CCDC171: variants seen among roughly 807,000 people sequenced by gnomAD.
CCDC171 encodes the protein coiled-coil domain containing 171.
A neutral mutation model predicts 168.2 loss-of-function variants in CCDC171; 177 were observed. The observed-to-expected ratio is 1.05, with a 90% CI of 0.93 to 1.19. CCDC171 has a LOEUF of 1.19. Among genes scored for constraint, CCDC171 ranks in the 50% most tolerant of loss-of-function variants. The pLI is 0.00. For missense variants in CCDC171, 1,991 were observed against 1,539.0 expected, an observed-to-expected ratio of 1.29 and a Z score of -4.91; for synonymous variants, 687 against 540.8, an observed-to-expected ratio of 1.27 and a Z score of -3.75.
In CCDC171 at chr9:15,812,021, G is replaced by A. The variant is rs137971537; in HGVS notation, c.3267+27327G>A. 1.4e-4 allele frequency among the ~76,000 whole-genome samples: 21 copies of A among 152,278 alleles called. No homozygotes were observed. In the East Asian group the frequency reaches 3.9e-3, roughly 28 times the overall value. ...TGTATCTAATGATCCTACACGTCTAGGGGAAATGGTTGGAAACAATAATAT... is the reference window on the plus strand; with the variant it reads ...TGTATCTAATGATCCTACACGTCTAAGGGAAATGGTTGGAAACAATAATAT... On this transcript the variant is annotated intron_variant, in intron 21 of 25. Transcript: ENST00000380701.
At chr9:15,940,857 A>T (rs1451318011) in intron 25 of CCDC171, among the ~76,000 whole-genome samples, 1 of 151,744 alleles carries the variant, frequency 6.6e-6, no homozygotes, top group Admixed American at 6.6e-5. Flanking sequence ...ACCCTATCTC[A>T]CTAGGTTCAA....
chr9:15,795,592 G>T (rs1384599638), intron 21 of CCDC171, among the ~76,000 whole-genome samples: 3 of 152,200 alleles, frequency 2.0e-5, no homozygotes, highest in Non-Finnish European at 4.4e-5. Flanking sequence ...TCATTGGGGT[G>T]TGCAAACCTA....
intron 9 of CCDC171, among the ~76,000 whole-genome samples, chr9:15,671,874 G>A (rs2049139952): frequency 1.3e-5 from 2 of 152,134 alleles, no homozygotes; most frequent in African/African-American, 2.4e-5. Context: ...ACCCAGTAAT[G>A]GGATCGCTGC....
intron 8 of CCDC171, among the ~76,000 whole-genome samples, chr9:15,662,554 G>A (rs947484853): frequency 4.6e-5 from 7 of 151,954 alleles, no homozygotes; most frequent in Non-Finnish European, 8.8e-5. Context: ...ATATTATTTC[G>A]CAGTCTATGT....
chr9:15,610,444 TAAAAAAAAAAAAAAAAAA>T (rs754593075), intron 6 of CCDC171, among the ~76,000 whole-genome samples: 699 of 12,726 alleles, frequency 0.055, 20 homozygotes, highest in East Asian at 0.39. Context: ...CCATCTCAAC[TAAAAAAAAAAAAAAAAAA>T]AAAAAAAAAA....
At chr9:15,672,417 G>C (rs145524787) in intron 9 of CCDC171, among the ~76,000 whole-genome samples, 6,356 of 152,226 alleles carry the variant, frequency 0.042, 195 homozygotes, top group Non-Finnish European at 0.06. Flanking sequence ...TAGTCATGAA[G>C]TCTTTGCTCA....
At chr9:15,583,439 A>G (rs1445405596) in intron 4 of CCDC171, among the ~76,000 whole-genome samples, 2 of 151,572 alleles carry the variant, frequency 1.3e-5, no homozygotes, top group South Asian at 2.1e-4. Context: ...AATGTGCTAT[A>G]TATACAGCAA....
At chr9:15,861,468 C>T (rs962711879) in intron 23 of CCDC171, among the ~76,000 whole-genome samples, 4 of 151,648 alleles carry the variant, frequency 2.6e-5, no homozygotes, top group South Asian at 2.1e-4. Context: ...CTTTGTGTTT[C>T]GTTGATTTTT....
At position 15,973,354 on chromosome 9, in the gene CCDC171, A is replaced by G. The variant is rs940547254; in HGVS notation, c.*1518A>G. The G allele has an allele frequency of 2.4e-4, 36 of 150,000 alleles. No individual in the cohort carries two copies. Among genetic ancestry groups the G allele is most frequent in the Admixed American group, 8.0e-4 (12 of 15,060 alleles). The allele number at this position is 150,000 out of a possible 1,614,324, so 9.3% of individuals were successfully genotyped here. A position where few individuals can be genotyped will look rare whatever the true frequency, so the allele number is the denominator to read the frequency against. On this transcript the variant is annotated 3_prime_UTR_variant, in exon 26 of 26. Transcript: ENST00000380701. ...TTTACAGTGACATTTGATTCAAATT[A>G]CCCAACTGCTGAGAATTTTTTTATT...
intron 7 of CCDC171, among the ~76,000 whole-genome samples, chr9:15,634,331 G>C (rs974124933): frequency 3.9e-5 from 6 of 151,960 alleles, no homozygotes; most frequent in Admixed American, 3.9e-4. Context: ...TCTTTTCTCT[G>C]TATTTCTTTT....
Position 15,971,652 on chromosome 9 carries a change from C to T in CCDC171, c.3797C>T (p.Ala1266Val), listed in dbSNP as rs149803460. The T allele has an allele frequency of 1.9e-4, 301 of 1,613,560 alleles. No individual in the cohort carries two copies. Among genetic ancestry groups the T allele is most frequent in the Non-Finnish European group, 2.4e-4 (282 of 1,179,804 alleles). ...TCAAATCTCTCCATTCCTTCAAGAG[C>T]TCCTCTTCCTGCTGACACAACTGGT... is the stretch of plus-strand genomic sequence containing the variant. ...DHSNLSIPSRAPLPADTTGIG... is the reference protein window; with the variant it reads ...DHSNLSIPSRVPLPADTTGIG... The change falls in exon 26 of 26, where the codon GCT (alanine) becomes GTT (valine). Residue 1266 changes from alanine (A) to valine (V), a missense_variant. Transcript: ENST00000380701.
intron 7 of CCDC171, among the ~76,000 whole-genome samples, chr9:15,648,150 A>G (rs62573075): frequency 0.15 from 22,827 of 152,268 alleles, 2,193 homozygotes; most frequent in Middle Eastern, 0.24. Flanking sequence ...CAAAAATCAC[A>G]TGATTATCTG....
intron 24 of CCDC171, among the ~76,000 whole-genome samples, chr9:15,903,246 C>T (rs1412215106): frequency 6.6e-6 from 1 of 152,214 alleles, no homozygotes; most frequent in Non-Finnish European, 1.5e-5. Context: ...AAGTGGGTCC[C>T]TGACCCCCGA....
intron 24 of CCDC171, among the ~76,000 whole-genome samples, chr9:15,894,708 C>A (rs1820675531): frequency 6.6e-6 from 1 of 152,026 alleles, no homozygotes; most frequent in Non-Finnish European, 1.5e-5. Context: ...ACTTGGTATC[C>A]CTTTCTCTCG....
intron 6 of CCDC171, among the ~76,000 whole-genome samples, chr9:15,608,972 A>AAAAAAGG (rs2043439483): frequency 4.8e-5 from 7 of 146,348 alleles, no homozygotes; most frequent in Admixed American, 6.8e-5. Context: ...AAAAAAAAAA[A>AAAAAAGG]GAGTGGTTTT....
At chr9:15,892,408 T>C (rs1225543723) in intron 24 of CCDC171, among the ~76,000 whole-genome samples, 4 of 152,198 alleles carry the variant, frequency 2.6e-5, no homozygotes, top group African/African-American at 7.2e-5. Flanking sequence ...GTTTTTAACA[T>C]GCAGGGATGT....
intron 3 of CCDC171, among the ~76,000 whole-genome samples, chr9:16,000,321 CTT>C (rs927183733): frequency 3.9e-5 from 6 of 152,054 alleles, no homozygotes; most frequent in Admixed American, 3.9e-4. Flanking sequence ...AAGGGATTGA[CTT>C]TTTTTGCTTG....
At chr9:15,691,034 A>G (rs923354982) in intron 10 of CCDC171, among the ~76,000 whole-genome samples, 1 of 152,204 alleles carries the variant, frequency 6.6e-6, no homozygotes, top group Non-Finnish European at 1.5e-5. Flanking sequence ...TTTGTTAACA[A>G]TTGTCTGAAA....
chr9:15,727,737 A>C, intron 14 of CCDC171, 132 bp from the exon 15 acceptor site: 1 of 603,788 alleles, frequency 1.7e-6, no homozygotes. Flanking sequence ...AAGTCATTAA[A>C]ATATTCTGAG....
Sources: gnomAD v4.1 joint callset for allele counts (sites outside exome capture counted in the v4.1 genomes callset) on GRCh38, gnomAD v4.1.1 for gene constraint, MANE v1.5 for transcripts, NCBI Gene and HGNC (gene_info 2026-07-23, HGNC 2026-07-21) for gene names.